Variants in NEBL observed in about 807,000 individuals in gnomAD.
NEBL encodes the protein LIM and SH3 protein 2.
Under a neutral mutation model 140.2 loss-of-function variants are expected in NEBL, and 122 were observed. That is an observed-to-expected ratio of 0.87 (90% CI 0.75 to 1.01). NEBL has a LOEUF of 1.01. Ranked by LOEUF, NEBL falls within the 50% of genes least tolerant of loss-of-function variation. The pLI is 0.00. For missense variants in NEBL, 1,365 were observed against 1,231.3 expected (o/e 1.11, Z -1.62); for synonymous variants, 436 against 398.9 (o/e 1.09, Z -1.11).
intron 4 of NEBL, among the ~76,000 whole-genome samples, chr10:20,940,474 G>A (rs1188919954): frequency 1.4e-5 from 2 of 144,572 alleles, no homozygotes; most frequent in Non-Finnish European, 3.0e-5. Context: ...ATGCCCACAA[G>A]AGAAAGCAGG....
intron 3 of NEBL, among the ~76,000 whole-genome samples, chr10:20,985,571 C>T (rs1837222716): frequency 6.6e-6 from 1 of 152,108 alleles, no homozygotes; most frequent in East Asian, 1.9e-4. Context: ...AATTAAATAT[C>T]CGACAAACCA....
chr10:20,863,715 A>C (rs1843967280), intron 7 of NEBL, among the ~76,000 whole-genome samples: 1 of 138,982 alleles, frequency 7.2e-6, no homozygotes. Flanking sequence ...TAGTGGATCA[A>C]AGGCATATGA....
At chr10:20,963,133 C>T (rs1191120012) in intron 3 of NEBL, among the ~76,000 whole-genome samples, 1 of 152,102 alleles carries the variant, frequency 6.6e-6, no homozygotes, top group Non-Finnish European at 1.5e-5. Flanking sequence ...CACTAAACCC[C>T]TTACTTTATT....
At chr10:21,029,031 G>A (rs1766488461) in intron 2 of NEBL, 3 of 809,326 alleles carry the variant, frequency 3.7e-6, no homozygotes, top group South Asian at 3.3e-5. Context: ...CGAATAAGAA[G>A]AGGAAAACTA....
chr10:20,891,185 A>C (rs764583317), intron 2 of NEBL, among the ~76,000 whole-genome samples: 1 of 152,240 alleles, frequency 6.6e-6, no homozygotes, highest in Non-Finnish European at 1.5e-5. Context: ...TCAAAATCCC[A>C]TATTTCACTG....
In NEBL at chr10:21,225,696, A is replaced by G. The variant is rs1842137729; in HGVS notation, n.348+22225T>C. ...GGTTCATGGCAAGTACTGCCTGGCC[A>G]CTGCCGATGTTCACTCAAGGCCCAA... is the stretch of plus-strand genomic sequence containing the variant. On this transcript the variant is annotated intron_variant and non_coding_transcript_variant, in intron 3 of 8. Transcript: ENST00000675702. 2.6e-5 allele frequency among the ~76,000 whole-genome samples: 4 copies of G among 152,226 alleles called. No homozygotes were observed. In the South Asian group the frequency reaches 8.3e-4, roughly 32 times the overall value.
chr10:20,813,739 G>A (rs1373803571), intron 23 of NEBL, 200 bp downstream of exon 23: 9 of 572,572 alleles, frequency 1.6e-5, no homozygotes, highest in Non-Finnish European at 2.2e-5. Context: ...ACCAGAAAAA[G>A]TCACTGAGAA....
chr10:21,063,751 C>T (rs9971347), intron 2 of NEBL, among the ~76,000 whole-genome samples: 60,241 of 151,996 alleles, frequency 0.4, 14,328 homozygotes, highest in Non-Finnish European at 0.52. Flanking sequence ...CAAAATGTGG[C>T]CCCAGCTACT....
chr10:21,059,559 A>C (rs1156997037), intron 2 of NEBL, among the ~76,000 whole-genome samples: 1 of 152,250 alleles, frequency 6.6e-6, no homozygotes, highest in Non-Finnish European at 1.5e-5. Context: ...TTTCTACCAA[A>C]TAAAGCAAAA....
rs182887353 is a variant in NEBL at position 20,781,801 on chromosome 10, A to G, written c.*3946T>C. 6.5e-6 allele frequency: 1 copy of G among 152,740 alleles called. No homozygotes were observed. Among genetic ancestry groups the G allele is most frequent in the Admixed American group, 6.5e-5 (1 of 15,278 alleles). The allele number at this position is 152,740 out of a possible 1,614,324, so 9.5% of individuals were successfully genotyped here. On this transcript the variant is annotated 3_prime_UTR_variant, in exon 28 of 28. Coordinates refer to ENST00000377122, the MANE Select transcript of NEBL (RefSeq NM_006393.3). ...CCAAAAGGCATGGAATACTTCAGAG[A>G]CTTTTATTTTAGCATCCTTGTCAGT...
At chr10:21,130,641 G>T (rs939751145) in intron 2 of NEBL, among the ~76,000 whole-genome samples, 2 of 151,950 alleles carry the variant, frequency 1.3e-5, no homozygotes, top group African/African-American at 4.8e-5. Context: ...AATAACACAT[G>T]GTTCAAAGAA....
chr10:21,049,671 G>A (rs1206578836), intron 2 of NEBL, among the ~76,000 whole-genome samples: 5 of 151,946 alleles, frequency 3.3e-5, no homozygotes, highest in African/African-American at 9.7e-5. Flanking sequence ...CCCTGACCCC[G>A]TTCCTCACTT....
Position 20,878,549 on chromosome 10 carries a change from T to C in NEBL, c.480+2245A>G, listed in dbSNP as rs141437666. Among the ~76,000 whole-genome samples, 417 of 152,312 alleles carry C rather than the reference T, an allele frequency of 2.7e-3. 1 individual carries two copies. Among genetic ancestry groups the C allele is most frequent in the African/African-American group, 9.4e-3 (391 of 41,576 alleles). On this transcript the variant is annotated intron_variant, in intron 5 of 27. Coordinates refer to ENST00000377122, the MANE Select transcript of NEBL (RefSeq NM_006393.3). ...TAGATCCACCCACTGAACCAAGAGA[T>C]GTACTTTCAAGACCTATGTTTAAAT...
intron 1 of NEBL, among the ~76,000 whole-genome samples, chr10:21,257,780 G>A (rs1842678980): frequency 6.6e-6 from 1 of 152,062 alleles, no homozygotes; most frequent in Non-Finnish European, 1.5e-5. Flanking sequence ...AGCTACTTGG[G>A]AGGCTGAGGC....
At chr10:20,924,862 G>A (rs1821361437) in intron 4 of NEBL, among the ~76,000 whole-genome samples, 1 of 151,972 alleles carries the variant, frequency 6.6e-6, no homozygotes, top group Admixed American at 6.6e-5. Flanking sequence ...TAAAACTGCA[G>A]GAGTCGAGGG....
intron 3 of NEBL, among the ~76,000 whole-genome samples, chr10:21,005,085 C>T (rs893829191): frequency 6.6e-6 from 1 of 152,160 alleles, no homozygotes; most frequent in African/African-American, 2.4e-5. Flanking sequence ...CCATTTTGCA[C>T]GCTCACAACC....
At chr10:21,246,767 G>C (rs1056321573) in intron 3 of NEBL, among the ~76,000 whole-genome samples, 1 of 152,144 alleles carries the variant, frequency 6.6e-6, no homozygotes, top group African/African-American at 2.4e-5. Context: ...CAGGAGTTTT[G>C]AGGTTGCAGT....
chr10:21,138,612 T>A (rs1408527456), intron 2 of NEBL, among the ~76,000 whole-genome samples: 1 of 152,024 alleles, frequency 6.6e-6, no homozygotes, highest in East Asian at 1.9e-4. Flanking sequence ...AACATTATTT[T>A]AAAAAAACTA....
At chr10:21,208,832 A>G (rs1841870983) in intron 3 of NEBL, among the ~76,000 whole-genome samples, 1 of 152,158 alleles carries the variant, frequency 6.6e-6, no homozygotes, top group African/African-American at 2.4e-5. Flanking sequence ...GTCCAACAGC[A>G]TGGCAGGGAA....
Sources: gnomAD v4.1 joint callset for allele counts (sites outside exome capture counted in the v4.1 genomes callset) on GRCh38, gnomAD v4.1.1 for gene constraint, MANE v1.5 for transcripts, NCBI Gene and HGNC (gene_info 2026-07-23, HGNC 2026-07-21) for gene names.